CSMD2: variants seen among roughly 807,000 people sequenced by gnomAD.
CSMD2 encodes the protein CUB and sushi domain-containing protein 2.
CSMD2 carries 130 observed loss-of-function variants against 398.5 expected under a neutral mutation model. The ratio of observed to expected loss-of-function variants is 0.33; its 90% CI spans 0.28 to 0.38. The LOEUF is 0.38. Among genes scored for constraint, CSMD2 ranks in the 10% least tolerant of loss-of-function variants. CSMD2 has a pLI of 1.00. For synonymous variants in CSMD2, 1,828 were observed against 1,908.5 expected (o/e 0.96, Z 1.10); for missense variants, 3,829 against 4,764.9 (o/e 0.80, Z 5.78).
At chr1:33,575,522 G>A (rs2148708531) in intron 49 of CSMD2, among the ~76,000 whole-genome samples, 1 of 152,222 alleles carries the variant, frequency 6.6e-6, no homozygotes, top group Admixed American at 6.5e-5. Context: ...AGAACACAGT[G>A]GGAGGCTTAG....
chr1:33,911,759 C>T (rs1278598363), intron 5 of CSMD2, among the ~76,000 whole-genome samples: 1 of 152,182 alleles, frequency 6.6e-6, no homozygotes, highest in African/African-American at 2.4e-5. Flanking sequence ...TCTGGGAAGT[C>T]CAGACAGATA....
intron 22 of CSMD2, among the ~76,000 whole-genome samples, chr1:33,705,423 G>A (rs1451854838): frequency 6.6e-6 from 1 of 151,948 alleles, no homozygotes; most frequent in Non-Finnish European, 1.5e-5. Flanking sequence ...TCAATCCCCT[G>A]GTAACCATAA....
chr1:33,728,313 A>C (rs551483419), intron 15 of CSMD2, among the ~76,000 whole-genome samples: 1 of 145,112 alleles, frequency 6.9e-6, no homozygotes, highest in African/African-American at 2.7e-5. Context: ...CATAAAAGAT[A>C]GTCTAATATA....
chr1:34,053,924 G>C (rs1362757483), intron 2 of CSMD2, among the ~76,000 whole-genome samples: 1 of 152,120 alleles, frequency 6.6e-6, no homozygotes, highest in Non-Finnish European at 1.5e-5. Context: ...CTAGCAGCCT[G>C]CGGCAGAGCT....
At chr1:33,702,396 C>T (rs1373794156) in intron 22 of CSMD2, among the ~76,000 whole-genome samples, 1 of 151,986 alleles carries the variant, frequency 6.6e-6, no homozygotes, top group Non-Finnish European at 1.5e-5. Context: ...CCTTAATTTC[C>T]AAGCATAATT....
chr1:33,597,066 C>T (rs1393353878), intron 44 of CSMD2, among the ~76,000 whole-genome samples: 1 of 151,192 alleles, frequency 6.6e-6, no homozygotes, highest in Non-Finnish European at 1.5e-5. Flanking sequence ...GTTTTTTTTT[C>T]AAGGGCATTT....
intron 3 of CSMD2, among the ~76,000 whole-genome samples, chr1:33,972,455 A>T (rs373416451): frequency 6.7e-4 from 102 of 152,266 alleles, no homozygotes; most frequent in South Asian, 5.2e-3. Flanking sequence ...GAGACTACAG[A>T]TGTCATTAAG....
At chr1:33,930,690 C>T (rs1644285741) in intron 4 of CSMD2, among the ~76,000 whole-genome samples, 1 of 152,198 alleles carries the variant, frequency 6.6e-6, no homozygotes, top group Non-Finnish European at 1.5e-5. Context: ...CATGATCTTC[C>T]CTCTTGTGGA....
Position 33,939,101 on chromosome 1 carries a change from T to C in CSMD2, c.518-3147A>G, listed in dbSNP as rs529377296. Among the ~76,000 whole-genome samples the C allele has an allele frequency of 1.9e-4, 29 of 151,624 alleles. No homozygotes were observed. In the South Asian group the frequency reaches 3.4e-3, roughly 18 times the overall value. On this transcript the variant is annotated intron_variant, in intron 3 of 70. Coordinates refer to ENST00000373381, the MANE Select transcript of CSMD2 (RefSeq NM_001281956.2). Reference sequence around the variant, plus strand: ...TTCCCATGATCTGCTGCTGACTTACTTGGTGTTTCCCATGATCCTGTACTG... The same window carrying C: ...TTCCCATGATCTGCTGCTGACTTACCTGGTGTTTCCCATGATCCTGTACTG...
chr1:33,803,480 C>T (rs1655853560), intron 10 of CSMD2, among the ~76,000 whole-genome samples: 1 of 152,190 alleles, frequency 6.6e-6, no homozygotes, highest in Non-Finnish European at 1.5e-5. Context: ...TTTAACTCTA[C>T]CACTGGACCA....
chr1:33,657,489 C>T (rs1010387692), intron 27 of CSMD2, among the ~76,000 whole-genome samples: 1 of 152,128 alleles, frequency 6.6e-6, no homozygotes, highest in Non-Finnish European at 1.5e-5. Context: ...CCTAAAAGAA[C>T]CAAAACCCAG....
rs61799705 is a variant in CSMD2 at position 33,651,266 on chromosome 1, G to A, written c.4586+1057C>T. Among the ~76,000 whole-genome samples, 219 of 152,288 alleles carry A rather than the reference G, an allele frequency of 1.4e-3. 1 individual carries two copies. The highest frequency in any genetic ancestry group is 2.3e-3 in the Non-Finnish European group (157 of 68,022). ...GGAAATACATGAGGAGAGTGAAGGC[G>A]ATAGAGGCTGCATGCCTTGGTTGCT... On this transcript the variant is annotated intron_variant, in intron 28 of 70. Transcript: ENST00000373381.
chr1:33,769,908 G>A (rs1338854428), intron 13 of CSMD2, among the ~76,000 whole-genome samples: 1 of 152,178 alleles, frequency 6.6e-6, no homozygotes, highest in African/African-American at 2.4e-5. Flanking sequence ...TTTGCTAGAG[G>A]AGCTTTTGTA....
intron 11 of CSMD2, among the ~76,000 whole-genome samples, chr1:33,790,053 T>A (rs1380203807): frequency 2.0e-5 from 3 of 152,148 alleles, no homozygotes; most frequent in Non-Finnish European, 4.4e-5. Flanking sequence ...TCTCTCTATG[T>A]CAAAGCACAT....
At chr1:33,760,598 G>A (rs1347588226) in intron 13 of CSMD2, among the ~76,000 whole-genome samples, 1 of 152,186 alleles carries the variant, frequency 6.6e-6, no homozygotes, top group Non-Finnish European at 1.5e-5. Flanking sequence ...GGAAGGAAGA[G>A]GGCAGGTACT....
At chr1:34,056,045 C>T (rs1653793558) in intron 2 of CSMD2, among the ~76,000 whole-genome samples, 1 of 152,232 alleles carries the variant, frequency 6.6e-6, no homozygotes, top group African/African-American at 2.4e-5. Flanking sequence ...GTATATTTCA[C>T]AATACCACAC....
chr1:33,714,801 C>T (rs758383777), intron 20 of CSMD2, 26 bp from the exon 21 acceptor site: 6 of 1,610,348 alleles, frequency 3.7e-6, no homozygotes, highest in Non-Finnish European at 5.1e-6. Flanking sequence ...GAGATCCGGG[C>T]TCAGAGACAT....
chr1:33,746,052 C>T (rs559632794), intron 13 of CSMD2, among the ~76,000 whole-genome samples: 2 of 152,270 alleles, frequency 1.3e-5, no homozygotes, highest in Non-Finnish European at 2.9e-5. Context: ...ACTAACCCCC[C>T]ACCATGTCTC....
intron 55 of CSMD2, among the ~76,000 whole-genome samples, chr1:33,554,761 C>A (rs190898013): frequency 2.6e-5 from 4 of 152,242 alleles, no homozygotes; most frequent in Admixed American, 2.0e-4. Context: ...ACATTTTAAG[C>A]CCGCTGTTGA....
Sources: gnomAD v4.1 joint callset for allele counts (sites outside exome capture counted in the v4.1 genomes callset) on GRCh38, gnomAD v4.1.1 for gene constraint, MANE v1.5 for transcripts, NCBI Gene and HGNC (gene_info 2026-07-23, HGNC 2026-07-21) for gene names.